Variants in GALNT13 observed in about 807,000 individuals in gnomAD.
GALNT13 encodes UDP-GalNAc:polypeptide N-acetylgalactosaminyltransferase 13.
A neutral mutation model predicts 64.2 loss-of-function variants in GALNT13; 28 were observed. The observed-to-expected ratio is 0.44, with a 90% CI of 0.32 to 0.60. GALNT13 has a LOEUF of 0.60. GALNT13 is among the 20% of genes least tolerant of loss of function. GALNT13 has a pLI of 0.05. For missense variants in GALNT13, 577 were observed against 669.8 expected, an observed-to-expected ratio of 0.86 and a Z score of 1.53; for synonymous variants, 214 against 224.6, an observed-to-expected ratio of 0.95 and a Z score of 0.42.
the GALNT13 span, among the ~76,000 whole-genome samples, chr2:153,317,173 A>G: frequency 6.6e-6 from 1 of 152,164 alleles, no homozygotes; most frequent in Non-Finnish European, 1.5e-5. Flanking sequence ...TAGAAATTCA[A>G]CCATAACATG....
upstream of GALNT13, among the ~76,000 whole-genome samples, chr2:153,868,836 A>G (rs377304282): frequency 1.2e-4 from 18 of 152,254 alleles, no homozygotes; most frequent in Non-Finnish European, 1.0e-4. Context: ...AATACTTGCA[A>G]TAGCTCCACT....
chr2:153,558,636 A>T, the GALNT13 span, among the ~76,000 whole-genome samples: 1 of 152,090 alleles, frequency 6.6e-6, no homozygotes. Flanking sequence ...ATGCTGAGAC[A>T]GGTGCATGAG....
At chr2:154,186,127 A>G (rs1417574880) in intron 4 of GALNT13, among the ~76,000 whole-genome samples, 2 of 151,974 alleles carry the variant, frequency 1.3e-5, no homozygotes, top group Non-Finnish European at 2.9e-5. Flanking sequence ...TTAAATTGTA[A>G]TTTTTGTTTA....
At chr2:153,789,037 T>C in the GALNT13 span, among the ~76,000 whole-genome samples, 1 of 152,116 alleles carries the variant, frequency 6.6e-6, no homozygotes, top group Non-Finnish European at 1.5e-5. Context: ...ATTAGACAGA[T>C]CATTGAAGCA....
In GALNT13 at chr2:154,041,044, G is replaced by C. The variant is rs1168767965; in HGVS notation, c.142+96405G>C. Reference sequence around the variant, plus strand: ...GCAGCTAAGGCATGGGATTATATTGGTTTGGTTTGTTCATTAAAAAAAGGA... The same window carrying C: ...GCAGCTAAGGCATGGGATTATATTGCTTTGGTTTGTTCATTAAAAAAAGGA... On this transcript the variant is annotated intron_variant, in intron 3 of 12. Coordinates refer to ENST00000392825, the MANE Select transcript of GALNT13 (RefSeq NM_052917.4). 1.4e-5 allele frequency among the ~76,000 whole-genome samples: 2 copies of C among 139,114 alleles called. 1 individual carries two copies. The highest frequency in any genetic ancestry group is 3.3e-5 in the Non-Finnish European group (2 of 60,602). 91.3% of individuals were successfully genotyped at this position (139,114 alleles called of 152,430 possible).
At chr2:154,175,482 T>C (rs1685594658) in intron 4 of GALNT13, among the ~76,000 whole-genome samples, 1 of 152,138 alleles carries the variant, frequency 6.6e-6, no homozygotes, top group Non-Finnish European at 1.5e-5. Context: ...GTGGCAGAAC[T>C]GAAAACTATT....
chr2:153,796,726 G>T, the GALNT13 span, among the ~76,000 whole-genome samples: 2 of 152,156 alleles, frequency 1.3e-5, no homozygotes, highest in Non-Finnish European at 1.5e-5. Flanking sequence ...ATCCATAGAA[G>T]TTTGTGTAGC....
At chr2:154,343,762 G>C (rs1695905296) in intron 9 of GALNT13, among the ~76,000 whole-genome samples, 2 of 152,002 alleles carry the variant, frequency 1.3e-5, no homozygotes, top group South Asian at 4.1e-4. Context: ...ATCAGAAAAG[G>C]ACAAGAGTCC....
intron 9 of GALNT13, among the ~76,000 whole-genome samples, chr2:154,313,680 C>T (rs900336449): frequency 1.1e-4 from 17 of 151,638 alleles, no homozygotes; most frequent in Non-Finnish European, 1.9e-4. Context: ...ATGTTGATTT[C>T]CTGACCTGGT....
the GALNT13 span, among the ~76,000 whole-genome samples, chr2:153,759,941 G>A: frequency 6.6e-6 from 1 of 151,868 alleles, no homozygotes; most frequent in South Asian, 2.1e-4. Flanking sequence ...TTTACTTCAT[G>A]GGAGACTTTA....
At chr2:153,406,054 CTG>C in the GALNT13 span, among the ~76,000 whole-genome samples, 1 of 152,214 alleles carries the variant, frequency 6.6e-6, no homozygotes, top group Admixed American at 6.5e-5. Flanking sequence ...TAAAGACAAA[CTG>C]TTACAAGAAG....
chr2:153,435,704 T>G, the GALNT13 span, among the ~76,000 whole-genome samples: 1 of 152,222 alleles, frequency 6.6e-6, no homozygotes, highest in Non-Finnish European at 1.5e-5. Context: ...CTGAAGTTGC[T>G]TATCAGCTTA....
chr2:154,375,224 G>C (rs1174548900), intron 9 of GALNT13, among the ~76,000 whole-genome samples: 1 of 150,600 alleles, frequency 6.6e-6, no homozygotes, highest in African/African-American at 2.4e-5. Context: ...TACTGACCTT[G>C]TGATCCGCCC....
the GALNT13 span, among the ~76,000 whole-genome samples, chr2:153,418,889 G>A: frequency 6.6e-6 from 1 of 152,094 alleles, no homozygotes; most frequent in Admixed American, 6.5e-5. Flanking sequence ...GGTAAAATAA[G>A]GGAGAGTGGA....
intron 3 of GALNT13, among the ~76,000 whole-genome samples, chr2:154,046,175 A>G (rs1699273211): frequency 6.6e-6 from 1 of 152,140 alleles, no homozygotes; most frequent in Admixed American, 6.5e-5. Context: ...TAAAAAAAGA[A>G]GAAGATGGGC....
chr2:154,270,271 G>A (rs116533274), intron 8 of GALNT13, among the ~76,000 whole-genome samples: 6,324 of 151,738 alleles, frequency 0.042, 191 homozygotes, highest in Non-Finnish European at 0.058. Flanking sequence ...TTGATATGAT[G>A]CTTTACCTTG....
the GALNT13 span, among the ~76,000 whole-genome samples, chr2:153,763,108 C>A: frequency 3.2e-4 from 48 of 151,662 alleles, no homozygotes; most frequent in African/African-American, 1.1e-3. Flanking sequence ...TTAAATTTTA[C>A]CTATTGTTGT....
chr2:153,544,956 C>T, the GALNT13 span, among the ~76,000 whole-genome samples: 1 of 152,032 alleles, frequency 6.6e-6, no homozygotes, highest in African/African-American at 2.4e-5. Context: ...AGCAAACATT[C>T]GTAAGGGAGG....
intron 9 of GALNT13, among the ~76,000 whole-genome samples, chr2:154,393,659 G>A (rs1698904139): frequency 1.3e-5 from 2 of 152,312 alleles, no homozygotes; most frequent in East Asian, 1.9e-4. Context: ...GGAAATGCCA[G>A]GGGGCGGCTT....
Sources: gnomAD v4.1 joint callset for allele counts (sites outside exome capture counted in the v4.1 genomes callset) on GRCh38, gnomAD v4.1.1 for gene constraint, MANE v1.5 for transcripts, NCBI Gene and HGNC (gene_info 2026-07-23, HGNC 2026-07-21) for gene names.